CEP162: variants seen among roughly 807,000 people sequenced by gnomAD.
The protein encoded by CEP162 is centrosomal protein of 162 kDa.
A neutral mutation model predicts 169.2 loss-of-function variants in CEP162; 141 were observed. That is an observed-to-expected ratio of 0.83 (90% CI 0.73 to 0.96). CEP162 has a LOEUF of 0.96. CEP162 is among the 40% of genes least tolerant of loss of function. The pLI is 0.00. For synonymous variants in CEP162, 540 were observed against 526.4 expected, an observed-to-expected ratio of 1.03 and a Z score of -0.35; for missense variants, 1,600 against 1,587.2, an observed-to-expected ratio of 1.01 and a Z score of -0.14.
intron 8 of CEP162, 22 bp downstream of exon 8, chr6:84,201,715 C>T: frequency 3.3e-6 from 4 of 1,224,128 alleles, no homozygotes; most frequent in Non-Finnish European, 3.5e-6. Context: ...CCAACTAAAA[C>T]ATGAATATAA....
At chr6:84,212,864 G>A (rs2099550055) in intron 6 of CEP162, 93 bp downstream of exon 6, 1 of 806,480 alleles carries the variant, frequency 1.2e-6, no homozygotes, top group Middle Eastern at 3.6e-4. Context: ...GAGACAATAT[G>A]ATTTTCCTTT....
In CEP162 at chr6:84,152,914, A is replaced by G; in HGVS notation, c.3260T>C (p.Leu1087Ser). Residue 1087 changes from leucine to serine, a missense_variant, in exon 23 of 27, where the codon TTA (leucine) becomes TCA (serine). Coordinates refer to ENST00000403245, the MANE Select transcript of CEP162 (RefSeq NM_014895.4). Reference protein sequence around the residue: ...QVEQAHAKAKLVRLNEELAAK... With the variant: ...QVEQAHAKAKSVRLNEELAAK... ...AGCCAGTTCTTCATTGAGTCTTACT[A>G]ATTTAGCTTTAGCATGAGCCTGTTC... 1 of 1,613,702 alleles carries G rather than the reference A, an allele frequency of 6.2e-7. No individual in the cohort carries two copies. Among genetic ancestry groups the G allele is most frequent in the East Asian group, 2.2e-5 (1 of 44,864 alleles).
intron 18 of CEP162, 63 bp downstream of exon 18, chr6:84,169,264 TA>T: frequency 2.2e-6 from 2 of 896,460 alleles, no homozygotes; most frequent in Non-Finnish European, 3.4e-6. Context: ...AAAATTTGTA[TA>T]AAAATGGGGA....
At chr6:84,134,919 TACAC>T (rs35312098) in intron 25 of CEP162, among the ~76,000 whole-genome samples, 87,617 of 148,116 alleles carry the variant, frequency 0.59, 26,672 homozygotes, top group East Asian at 0.82. Context: ...AGATCATATA[TACAC>T]ACACACACAC....
At position 84,186,364 on chromosome 6, in the gene CEP162, A is replaced by T; in HGVS notation, c.1369T>A (p.Ser457Thr). 1 of 1,458,112 alleles carries T rather than the reference A, an allele frequency of 6.9e-7. No individual in the cohort carries two copies. Among genetic ancestry groups the T allele is most frequent in the South Asian group, 1.2e-5 (1 of 86,632 alleles). 90.3% of individuals were successfully genotyped at this position (1,458,112 alleles called of 1,614,324 possible). A position where few individuals can be genotyped will look rare whatever the true frequency, so the allele number is the denominator to read the frequency against. Residue 457 changes from serine to threonine, a missense_variant, in exon 12 of 27, where the codon TCA (serine) becomes ACA (threonine). Coordinates refer to ENST00000403245, the MANE Select transcript of CEP162 (RefSeq NM_014895.4). ...ATTTTGTCATCCTGAGATAATGATG[A>T]AGAATTAACAGTTATTTTTTTCCTC... ...ILRKKITVNSSSLSQDDKINK... is the reference protein window; with the variant it reads ...ILRKKITVNSTSLSQDDKINK...
intron 23 of CEP162, 30 bp from the exon 24 acceptor site, chr6:84,149,733 T>C (rs2099520402): frequency 6.9e-7 from 1 of 1,446,512 alleles, no homozygotes; most frequent in African/African-American, 1.4e-5. Flanking sequence ...AAACCACACA[T>C]AAAAGTGGCT....
chr6:84,221,162 C>A lies in CEP162; in HGVS notation c.67G>T (p.Asp23Tyr). The change falls in exon 3 of 27, where the codon GAT becomes TAT. Residue 23 changes from aspartate (D) to tyrosine (Y), a missense_variant. Transcript: ENST00000403245. ...FEQFMKELSD[D>Y]SFENSDKTAR... is the part of the protein sequence containing the mutation. ...GTTTTGTCTGAATTTTCAAAAGAAT[C>A]ATCTGAAAGCTGAATTAGATATAAG... is the stretch of plus-strand genomic sequence containing the variant. 1 of 1,478,582 alleles carries A rather than the reference C, an allele frequency of 6.8e-7. No individual in the cohort carries two copies. The highest frequency in any genetic ancestry group is 1.1e-5 in the South Asian group (1 of 87,554). 91.6% of individuals were successfully genotyped at this position (1,478,582 alleles called of 1,614,324 possible).
intron 11 of CEP162, among the ~76,000 whole-genome samples, chr6:84,190,228 C>T (rs889476794): frequency 4.6e-5 from 7 of 152,160 alleles, no homozygotes; most frequent in African/African-American, 1.7e-4. Flanking sequence ...TGTGTTGAAA[C>T]TCTGTATCTA....
intron 8 of CEP162, 49 bp from the exon 9 acceptor site, chr6:84,200,954 G>T: frequency 8.8e-7 from 1 of 1,135,678 alleles, no homozygotes; most frequent in South Asian, 1.3e-5. Flanking sequence ...AAACTCAGTG[G>T]TTCTGTTGAT....
Position 84,160,808 on chromosome 6 carries a change from A to G in CEP162, c.2781+4T>C. 1 of 1,574,218 alleles carries G rather than the reference A, an allele frequency of 6.4e-7. No individual in the cohort carries two copies. Among genetic ancestry groups the G allele is most frequent in the Non-Finnish European group, 8.7e-7 (1 of 1,144,044 alleles). On this transcript the variant is annotated splice_donor_region_variant and intron_variant, in intron 21 of 26. Coordinates refer to ENST00000403245, the MANE Select transcript of CEP162 (RefSeq NM_014895.4). Reference sequence around the variant, plus strand: ...GCTCATGAAAATTTACCCTGAACACATACTTGTCGCTCCAGATCCTGAATT... The same window carrying G: ...GCTCATGAAAATTTACCCTGAACACGTACTTGTCGCTCCAGATCCTGAATT...
intron 5 of CEP162, 86 bp downstream of exon 5, chr6:84,215,196 G>T: frequency 1.6e-6 from 1 of 638,124 alleles, no homozygotes; most frequent in Non-Finnish European, 2.4e-6. Context: ...CTGTTATAAT[G>T]TTTACCTATT....
At chr6:84,126,910 A>C (rs548115629) in intron 25 of CEP162, among the ~76,000 whole-genome samples, 1 of 152,336 alleles carries the variant, frequency 6.6e-6, no homozygotes, top group South Asian at 2.1e-4. Context: ...GAAAGAGTTC[A>C]ATGAATATGT....
At chr6:84,172,777 A>G (rs879473362) in intron 16 of CEP162, among the ~76,000 whole-genome samples, 4 of 152,164 alleles carry the variant, frequency 2.6e-5, no homozygotes, top group Non-Finnish European at 5.9e-5. Flanking sequence ...CCTGGGTGAT[A>G]ATGCATGTTA....
intron 2 of CEP162, among the ~76,000 whole-genome samples, chr6:84,222,176 CA>C (rs1352958279): frequency 6.6e-6 from 1 of 152,108 alleles, no homozygotes; most frequent in Non-Finnish European, 1.5e-5. Context: ...GGTTCCCAAC[CA>C]AAACAGCTCT....
intron 11 of CEP162, among the ~76,000 whole-genome samples, chr6:84,186,996 G>T (rs983342568): frequency 6.6e-6 from 1 of 151,914 alleles, no homozygotes. Context: ...TTATAAAGTC[G>T]ACATGCATTT....
At chr6:84,223,234 C>T (rs1270670180) in intron 2 of CEP162, among the ~76,000 whole-genome samples, 1 of 152,164 alleles carries the variant, frequency 6.6e-6, no homozygotes, top group Non-Finnish European at 1.5e-5. Context: ...GGCGTGGTGG[C>T]TCACACCTGT....
In CEP162 at chr6:84,175,285, C is replaced by G; in HGVS notation, c.1726G>C (p.Glu576Gln). 1 of 1,547,220 alleles carries G rather than the reference C, an allele frequency of 6.5e-7. No homozygotes were observed. The highest frequency in any genetic ancestry group is 8.7e-7 in the Non-Finnish European group (1 of 1,144,406). ...TTCTTACGAGTAGACAGGCAACTTT[C>G]AGTTTTGTGAGCTGGTTTATCCAAA... is the stretch of plus-strand genomic sequence containing the variant. ...AALDKPAHKT[E>Q]SCLSTRKKSE... The change falls in exon 14 of 27, where the codon GAA becomes CAA. Residue 576 changes from glutamate to glutamine, a missense_variant. By Grantham distance (29) the Glu-to-Gln change is conservative. Coordinates refer to ENST00000403245, the MANE Select transcript of CEP162 (RefSeq NM_014895.4).
intron 6 of CEP162, 58 bp downstream of exon 6, chr6:84,212,897 CTT>C: frequency 9.8e-7 from 1 of 1,015,836 alleles, no homozygotes; most frequent in Non-Finnish European, 1.5e-6. Context: ...TTATTAATGT[CTT>C]TATTAAAAGC....
intron 6 of CEP162, among the ~76,000 whole-genome samples, chr6:84,208,701 A>C (rs1278410245): frequency 6.6e-6 from 1 of 152,234 alleles, no homozygotes. Flanking sequence ...TTAGTTGGTT[A>C]ACTATGTCAA....
Sources: allele counts gnomAD v4.1 joint callset (sites outside exome capture counted in the v4.1 genomes callset), GRCh38; gene constraint gnomAD v4.1.1; transcripts MANE v1.5; gene names NCBI Gene and HGNC (gene_info 2026-07-23, HGNC 2026-07-21).